Variants in H2BC18 observed in about 807,000 individuals in gnomAD.
The protein encoded by H2BC18 is H2B clustered histone 18.
In H2BC18, 8 loss-of-function variants were observed where a neutral mutation model predicts 6.3. The observed-to-expected ratio is 1.28, with a 90% CI of 0.75 to 2.31. The LOEUF is 2.31. Among genes scored for constraint, H2BC18 ranks in the 30% most tolerant of loss-of-function variants. H2BC18 has a pLI of 0.00. For missense variants in H2BC18, 106 were observed against 174.5 expected (o/e 0.61, Z 2.21); for synonymous variants, 104 against 78.1 (o/e 1.33, Z -1.75).
intron 1 of H2BC18, chr1:149,785,889 C>T (rs1236008515): frequency 6.6e-6 from 1 of 151,986 alleles, no homozygotes; most frequent in African/African-American, 2.4e-5. Flanking sequence ...TAAAGGGCTA[C>T]GGTATGGGAC....
chr1:149,797,731 C>T (rs6587594), intron 1 of H2BC18, among the ~76,000 whole-genome samples: 1 of 152,124 alleles, frequency 6.6e-6, no homozygotes, highest in East Asian at 1.9e-4. Flanking sequence ...CCTAGCAGTT[C>T]GAACTATAGG....
intron 1 of H2BC18, among the ~76,000 whole-genome samples, chr1:149,805,082 C>G (rs1553753751): frequency 6.6e-6 from 1 of 152,288 alleles, no homozygotes; most frequent in East Asian, 1.9e-4. Context: ...TTTACCACCT[C>G]TTCTGTATCC....
rs2091735365 is a variant in H2BC18 at position 149,792,561 on chromosome 1, GA to G, written c.378-9302del. Reference sequence around the variant, plus strand: ...AGATTATTTGGTTTGATCCGTAAATGATGGGATGGGGCGTCGCGCTCCGAGC... The same window carrying G: ...AGATTATTTGGTTTGATCCGTAAATGTGGGATGGGGCGTCGCGCTCCGAGC... On this transcript the variant is annotated intron_variant, in intron 1 of 1. Transcript: ENST00000545683. 6 of 1,183,692 alleles carry G rather than the reference GA, an allele frequency of 5.1e-6. No homozygotes were observed. The South Asian group carries it at 9.2e-5, about 18-fold the overall frequency. 73.3% of individuals were successfully genotyped at this position (1,183,692 alleles called of 1,614,324 possible).
At chr1:149,786,605 C>T (rs1347974153) in intron 1 of H2BC18, 2 of 151,976 alleles carry the variant, frequency 1.3e-5, no homozygotes, top group Admixed American at 6.6e-5. Context: ...GGTTGGTGGA[C>T]CCGAGCCCTA....
At chr1:149,801,632 T>C (rs2091871893) in intron 1 of H2BC18, among the ~76,000 whole-genome samples, 1 of 148,202 alleles carries the variant, frequency 6.7e-6, no homozygotes. Context: ...GCCTGAACTC[T>C]TTACTAATAC....
intron 1 of H2BC18, chr1:149,786,822 G>A (rs1553750888): frequency 6.6e-6 from 1 of 152,100 alleles, no homozygotes; most frequent in African/African-American, 2.4e-5. Flanking sequence ...TTTTGCTATT[G>A]ATTTCTAATA....
chr1:149,806,432 C>CA (rs1189137830), intron 1 of H2BC18, among the ~76,000 whole-genome samples: 1 of 152,032 alleles, frequency 6.6e-6, no homozygotes, highest in African/African-American at 2.4e-5. Flanking sequence ...ACTAAAAATA[C>CA]AAAAAATTAG....
At chr1:149,786,487 A>G (rs1215609493) in intron 1 of H2BC18, 5 of 152,330 alleles carry the variant, frequency 3.3e-5, no homozygotes, top group South Asian at 2.1e-4. Flanking sequence ...TCTATGCCCT[A>G]TTTTAAAATG....
chr1:149,808,305 C>G (rs2091942122), downstream of H2BC18, among the ~76,000 whole-genome samples: 1 of 152,236 alleles, frequency 6.6e-6, no homozygotes, highest in Non-Finnish European at 1.5e-5. Context: ...ACCTTTGTGT[C>G]TCCATCACTT....
At chr1:149,802,864 C>T (rs2091886700) in intron 1 of H2BC18, among the ~76,000 whole-genome samples, 1 of 152,134 alleles carries the variant, frequency 6.6e-6, no homozygotes, top group Admixed American at 6.5e-5. Flanking sequence ...GGATGAAAGC[C>T]AGAACTCTGC....
intron 1 of H2BC18, chr1:149,788,620 A>G: frequency 6.2e-7 from 1 of 1,614,000 alleles, no homozygotes. Flanking sequence ...TGTGAAAGGT[A>G]TTGTATTGGA....
chr1:149,811,655 C>T (rs613189), downstream of H2BC18: 9 of 507,266 alleles, frequency 1.8e-5, no homozygotes, highest in East Asian at 1.8e-4. Flanking sequence ...CCCTCCATCC[C>T]TCCCAAATAT....
chr1:149,809,790 TGA>T (rs1350805373), downstream of H2BC18, among the ~76,000 whole-genome samples: 1 of 149,248 alleles, frequency 6.7e-6, no homozygotes, highest in Non-Finnish European at 1.5e-5. Flanking sequence ...CTTCTCAGAG[TGA>T]GATTTGAGCA....
Position 149,812,220 on chromosome 1 carries a change from T to C in H2BC18, c.104A>G (p.Lys35Arg), listed in dbSNP as rs143086420. 2,838 of 1,614,284 alleles carry C rather than the reference T, an allele frequency of 1.8e-3. 3 individuals are homozygous for C. Among genetic ancestry groups the C allele is most frequent in the Non-Finnish European group, 2.2e-3 (2,606 of 1,180,048 alleles). The change falls in exon 1 of 1, where the codon AAG becomes AGG. Residue 35 changes from lysine to arginine, a missense_variant. Around this residue, in one of 3 missense-constraint regions of H2BC18, gnomAD observed 70 missense variants for 64.6 expected, o/e 1.08. Coordinates refer to ENST00000369167, the MANE Select transcript of H2BC18 (RefSeq NM_001024599.5). ...GTACACGTAAACGGAGTAGCTCTCC[T>C]TGCGGCTGCGCTTGCGCTTCTTGCC... ...KDGKKRKRSR[K>R]ESYSVYVYKV...
At chr1:149,802,460 G>A (rs1418185976) in intron 1 of H2BC18, among the ~76,000 whole-genome samples, 9 of 152,124 alleles carry the variant, frequency 5.9e-5, no homozygotes, top group Non-Finnish European at 1.3e-4. Flanking sequence ...GAAATTATAA[G>A]TAGTTTAAGA....
At chr1:149,807,571 C>G (rs6656522), downstream of H2BC18, among the ~76,000 whole-genome samples, 1 of 143,296 alleles carries the variant, frequency 7.0e-6, no homozygotes, top group Non-Finnish European at 1.5e-5. Flanking sequence ...TTTGGGAGGC[C>G]GAGGCAGGCA....
chr1:149,811,804 C>T (rs1397990029), downstream of H2BC18: 4 of 717,816 alleles, frequency 5.6e-6, no homozygotes, highest in Non-Finnish European at 9.3e-6. Context: ...GCATCCGTGA[C>T]CATGGTAACA....
chr1:149,802,418 A>T lies in H2BC18; in HGVS notation c.377+9529T>A, dbSNP rs587647067. 3.1e-4 allele frequency among the ~76,000 whole-genome samples: 47 copies of T among 152,290 alleles called. 1 individual carries two copies. In the South Asian group the frequency reaches 8.3e-3, roughly 27 times the overall value. On this transcript the variant is annotated intron_variant, in intron 1 of 1. Coordinates refer to the H2BC18 transcript ENST00000545683. The stretch of plus-strand genomic sequence containing the variant: ...TAATATGGGTCTTAAGTAAGTAAAC[A>T]TTCCAAACTAGATGAAATACAGTTC...
chr1:149,788,421 C>T, intron 1 of H2BC18: 3 of 1,613,732 alleles, frequency 1.9e-6, no homozygotes, highest in Middle Eastern at 1.7e-4. Flanking sequence ...AACCTCTGGC[C>T]TTGAGGTGTC....
Sources: allele counts gnomAD v4.1 joint callset (sites outside exome capture counted in the v4.1 genomes callset), GRCh38; gene constraint gnomAD v4.1.1; regional missense constraint gnomAD v4.1.1; transcripts MANE v1.5; gene names NCBI Gene and HGNC (gene_info 2026-07-23, HGNC 2026-07-21).